The following RBFOX1 variants were observed in gnomAD, a reference collection of about 807,000 sequenced individuals.
The protein encoded by RBFOX1 is RNA binding protein fox-1 homolog 1.
Under a neutral mutation model 57.7 loss-of-function variants are expected in RBFOX1, and 8 were observed. The ratio of observed to expected loss-of-function variants is 0.14; its 90% confidence interval spans 0.08 to 0.25. The LOEUF (loss-of-function observed/expected upper bound fraction) is 0.25, where lower values mean the gene tolerates loss of function less well. RBFOX1 is among the 10% of genes least tolerant of loss of function. The pLI, the probability that RBFOX1 is intolerant of heterozygous loss-of-function variation, is 1.00. For synonymous variants in RBFOX1, 326 were observed against 222.4 expected, an observed-to-expected ratio of 1.47 and a Z score of -4.15; for missense variants, 611 against 548.5, an observed-to-expected ratio of 1.11 and a Z score of -1.14.
chr16:5,343,287 ACTT>A (rs1347532960), intron 1 of RBFOX1, among the ~76,000 whole-genome samples: 1 of 131,702 alleles, frequency 7.6e-6, no homozygotes, highest in African/African-American at 2.8e-5. Context: ...TAAAACTTTC[ACTT>A]CTTTGAAGTT....
chr16:6,756,985 GACAAACAAACAA>G (rs142038941), intron 3 of RBFOX1, among the ~76,000 whole-genome samples: 39 of 140,844 alleles, frequency 2.8e-4, no homozygotes, highest in African/African-American at 8.7e-4. Flanking sequence ...CAAACAAACA[GACAAACAAACAA>G]ACAAACAAAC....
chr16:6,038,407 C>T (rs2095395098), intron 1 of RBFOX1: 1 of 150,168 alleles, frequency 6.7e-6, no homozygotes, highest in South Asian at 2.1e-4. Flanking sequence ...GTCTCGAACT[C>T]CTGACCTCAA....
intron 3 of RBFOX1, among the ~76,000 whole-genome samples, chr16:5,757,143 A>T (rs2053426159): frequency 1.3e-5 from 2 of 152,122 alleles, no homozygotes; most frequent in Admixed American, 6.5e-5. Flanking sequence ...ATAGCTGCCA[A>T]GCTTGCCCTT....
intron 2 of RBFOX1, among the ~76,000 whole-genome samples, chr16:6,516,984 G>C (rs1032923327): frequency 2.6e-5 from 4 of 152,114 alleles, no homozygotes; most frequent in African/African-American, 9.7e-5. Context: ...ATGAGGCTAG[G>C]TCAGAAGCTG....
Position 5,684,100 on chromosome 16 carries a change from C to T in RBFOX1, c.318+85139C>T, listed in dbSNP as rs539843931. On this transcript the variant is annotated intron_variant, in intron 3 of 19. Transcript: ENST00000641259. ...TTATAGGTTTTCTCACATAAAGTAA[C>T]CCATTTCTTTTTTGTGTGAAAAGGT... 4.6e-5 allele frequency among the ~76,000 whole-genome samples: 7 copies of T among 152,150 alleles called. No individual in the cohort carries two copies. The East Asian group carries it at 9.7e-4, about 21-fold the overall frequency.
chr16:6,596,094 G>A (rs2097774279), intron 2 of RBFOX1, among the ~76,000 whole-genome samples: 1 of 151,904 alleles, frequency 6.6e-6, no homozygotes, highest in Admixed American at 6.6e-5. Flanking sequence ...CTTCTTATAT[G>A]GGATTGTCAG....
At chr16:5,313,619 G>C (rs1400712381) in intron 1 of RBFOX1, among the ~76,000 whole-genome samples, 5 of 152,142 alleles carry the variant, frequency 3.3e-5, no homozygotes, top group Non-Finnish European at 2.9e-5. Context: ...CACGGTGGAA[G>C]GCAAGGAGGA....
chr16:6,516,969 A>G (rs17140438), intron 2 of RBFOX1, among the ~76,000 whole-genome samples: 4,563 of 152,258 alleles, frequency 0.03, 232 homozygotes, highest in African/African-American at 0.1. Context: ...GGGCAGAGAT[A>G]AAGTATGAGG....
chr16:5,724,220 C>CTG lies in RBFOX1; in HGVS notation c.318+125259_318+125260insTG, dbSNP rs1182954095. Among the ~76,000 whole-genome samples, 624 of 152,264 alleles carry CTG rather than the reference C, an allele frequency of 4.1e-3. 1 individual carries two copies. Among genetic ancestry groups the CTG allele is most frequent in the African/African-American group, 0.014 (591 of 41,570 alleles). On this transcript the variant is annotated intron_variant, in intron 3 of 19. Transcript: ENST00000641259. ...TGGAGCAGTGTCCTGAGCAAAGACC[C>CTG]AAGGGCTGGAAAGGCCCCAAAATAA...
chr16:6,678,539 C>T (rs1280646948), intron 3 of RBFOX1, among the ~76,000 whole-genome samples: 1 of 151,268 alleles, frequency 6.6e-6, no homozygotes, highest in African/African-American at 2.4e-5. Flanking sequence ...GAGAGTGAAA[C>T]CAAAGATTTG....
intron 2 of RBFOX1, among the ~76,000 whole-genome samples, chr16:6,335,122 C>T (rs951727372): frequency 1.3e-5 from 2 of 152,220 alleles, no homozygotes; most frequent in African/African-American, 2.4e-5. Flanking sequence ...ATACTGCTTG[C>T]TTAGCGCTTA....
At chr16:6,148,947 A>T (rs2096778449) in intron 1 of RBFOX1, among the ~76,000 whole-genome samples, 1 of 152,156 alleles carries the variant, frequency 6.6e-6, no homozygotes, top group South Asian at 2.1e-4. Context: ...AAAAATTCCA[A>T]GGCTCACAAC....
At chr16:6,665,453 A>G (rs2098726051) in intron 3 of RBFOX1, among the ~76,000 whole-genome samples, 1 of 152,136 alleles carries the variant, frequency 6.6e-6, no homozygotes, top group African/African-American at 2.4e-5. Context: ...ATCGCTGCTA[A>G]AAATAAAAAA....
At chr16:5,695,147 T>C (rs1005662781) in intron 3 of RBFOX1, among the ~76,000 whole-genome samples, 15 of 152,142 alleles carry the variant, frequency 9.9e-5, no homozygotes, top group African/African-American at 3.4e-4. Context: ...GGGTGAGATA[T>C]TTAGTGTATT....
At position 5,807,094 on chromosome 16, in the gene RBFOX1, A is replaced by T. The variant is rs531623497; in HGVS notation, c.319-60209A>T. On this transcript the variant is annotated intron_variant, in intron 3 of 19. Transcript: ENST00000641259. Reference sequence around the variant, plus strand: ...GATGAGGCATTCAGGCTTTGGTGTGAAATGTCTAGGTAAATACTGACTCCT... The same window carrying T: ...GATGAGGCATTCAGGCTTTGGTGTGTAATGTCTAGGTAAATACTGACTCCT... 2.4e-3 allele frequency among the ~76,000 whole-genome samples: 372 copies of T among 152,270 alleles called. 1 individual carries two copies. The highest frequency in any genetic ancestry group is 8.4e-3 in the African/African-American group (351 of 41,564).
chr16:7,243,533 T>A (rs1486332573), intron 4 of RBFOX1, among the ~76,000 whole-genome samples: 1 of 152,164 alleles, frequency 6.6e-6, no homozygotes, highest in Non-Finnish European at 1.5e-5. Context: ...GTTGACCCCT[T>A]ACTCTTTATT....
intron 2 of RBFOX1, among the ~76,000 whole-genome samples, chr16:5,581,133 A>G (rs2090801458): frequency 6.6e-6 from 1 of 152,182 alleles, no homozygotes; most frequent in South Asian, 2.1e-4. Context: ...CCAGAGGAGA[A>G]GGGGGCAGGG....
intron 1 of RBFOX1, among the ~76,000 whole-genome samples, chr16:6,046,195 T>A (rs1203659552): frequency 6.6e-6 from 1 of 152,224 alleles, no homozygotes. Flanking sequence ...AACTGCTTAG[T>A]AAACTCACAG....
intron 4 of RBFOX1, among the ~76,000 whole-genome samples, chr16:7,281,640 G>C (rs2095545773): frequency 6.6e-6 from 1 of 152,054 alleles, no homozygotes; most frequent in East Asian, 1.9e-4. Flanking sequence ...TGGGGTTCTA[G>C]TCTAGATGAG....
Sources: allele counts gnomAD v4.1 joint callset (sites outside exome capture counted in the v4.1 genomes callset), GRCh38; gene constraint gnomAD v4.1.1; transcripts MANE v1.5; gene names NCBI Gene and HGNC (gene_info 2026-07-23, HGNC 2026-07-21).